ANKRD30B: variants seen among roughly 807,000 people sequenced by gnomAD.
ANKRD30B encodes the protein ankyrin repeat domain-containing protein 30B.
ANKRD30B carries 144 observed loss-of-function variants against 202.2 expected under a neutral mutation model. The observed-to-expected ratio is 0.71, with a 90% CI of 0.62 to 0.82. The LOEUF is 0.82. Among genes scored for constraint, ANKRD30B ranks in the 40% least tolerant of loss-of-function variants. The probability of loss-of-function intolerance (pLI) is 0.00; values close to 1 mark genes in which losing one functional copy is unlikely to be tolerated. For synonymous variants in ANKRD30B, 508 were observed against 561.3 expected (o/e 0.91, Z 1.34); for missense variants, 1,487 against 1,669.1 (o/e 0.89, Z 1.90).
the ANKRD30B span, among the ~76,000 whole-genome samples, chr18:14,913,359 C>T: frequency 6.6e-6 from 1 of 152,136 alleles, no homozygotes; most frequent in Non-Finnish European, 1.5e-5. Flanking sequence ...GGACAAGCTA[C>T]CCAGAAGGAG....
At chr18:14,917,894 C>G in the ANKRD30B span, among the ~76,000 whole-genome samples, 3 of 152,208 alleles carry the variant, frequency 2.0e-5, no homozygotes, top group Admixed American at 6.5e-5. Flanking sequence ...TCTTCTCCCC[C>G]AGGGCGATGA....
At chr18:14,886,932 A>G in the ANKRD30B span, among the ~76,000 whole-genome samples, 2 of 152,148 alleles carry the variant, frequency 1.3e-5, no homozygotes, top group African/African-American at 2.4e-5. Flanking sequence ...CTAGTTTTCT[A>G]CATCCTGGTC....
chr18:14,850,105 A>C, intron 40 of ANKRD30B, 109 bp from the exon 41 acceptor site: 1 of 819,536 alleles, frequency 1.2e-6, no homozygotes, highest in South Asian at 3.2e-5. Flanking sequence ...AAAATTCAGG[A>C]ATATAGGAAT....
At chr18:14,876,202 G>A in the ANKRD30B span, among the ~76,000 whole-genome samples, 5 of 151,736 alleles carry the variant, frequency 3.3e-5, no homozygotes, top group Non-Finnish European at 7.4e-5. Context: ...CTGGAGTTTG[G>A]GTCACCTTCC....
At chr18:14,763,632 A>T (rs1915610571) in intron 6 of ANKRD30B, 54 bp from the exon 7 acceptor site, 1 of 1,589,718 alleles carries the variant, frequency 6.3e-7, no homozygotes, top group Non-Finnish European at 8.6e-7. Context: ...AGGTGAAGTC[A>T]GGAGGATGAT....
intron 15 of ANKRD30B, among the ~76,000 whole-genome samples, chr18:14,787,363 A>G (rs1968155494): frequency 6.6e-6 from 1 of 152,236 alleles, no homozygotes; most frequent in Admixed American, 6.5e-5. Context: ...CTAGAAATTC[A>G]CATGGGATCT....
At position 14,772,282 on chromosome 18, in the gene ANKRD30B, A is replaced by G; in HGVS notation, c.1329+54A>G. 1.7e-6 allele frequency: 2 copies of G among 1,184,694 alleles called. No homozygotes were observed. Among genetic ancestry groups the G allele is most frequent in the South Asian group, 1.9e-5 (1 of 53,372 alleles). The allele number at this position is 1,184,694 out of a possible 1,614,324, so 73.4% of individuals were successfully genotyped here. On this transcript the variant is annotated intron_variant, in intron 9 of 43. Transcript: ENST00000690538. Reference sequence around the variant, plus strand: ...TCTCAGTTGCAATATATTTCTGTATAGTATTTCTTAGCAGTGGTGTATGTA... The same window carrying G: ...TCTCAGTTGCAATATATTTCTGTATGGTATTTCTTAGCAGTGGTGTATGTA...
chr18:14,906,041 A>AT, the ANKRD30B span, among the ~76,000 whole-genome samples: 192 of 145,930 alleles, frequency 1.3e-3, no homozygotes, highest in East Asian at 0.013. Context: ...GGGCTTAGAG[A>AT]TTTTTTTTTT....
At chr18:14,789,363 T>C (rs1004996367) in intron 15 of ANKRD30B, among the ~76,000 whole-genome samples, 2 of 152,144 alleles carry the variant, frequency 1.3e-5, no homozygotes, top group African/African-American at 4.8e-5. Context: ...TGATGGTAGT[T>C]TCTTTTGCTG....
chr18:14,785,702 T>G (rs1240642503), intron 14 of ANKRD30B, among the ~76,000 whole-genome samples: 1 of 152,148 alleles, frequency 6.6e-6, no homozygotes, highest in Admixed American at 6.5e-5. Flanking sequence ...CTTACCAAAG[T>G]ATGATCTGAG....
intron 10 of ANKRD30B, 29 bp from the exon 11 acceptor site, chr18:14,779,931 A>AT (rs1467766910): frequency 1.4e-6 from 2 of 1,476,614 alleles, no homozygotes; most frequent in Admixed American, 1.7e-5. Flanking sequence ...GAATGCTCTC[A>AT]TGAATGTATC....
At chr18:14,762,312 T>A (rs989211859) in intron 6 of ANKRD30B, among the ~76,000 whole-genome samples, 53 of 152,326 alleles carry the variant, frequency 3.5e-4, no homozygotes, top group African/African-American at 1.2e-3. Context: ...AAAGTAACTA[T>A]CTTTAGAATT....
rs1479321125 is a variant in ANKRD30B at position 14,752,586 on chromosome 18, G to A, written c.242G>A (p.Cys81Tyr). 6.2e-7 allele frequency: 1 copy of A among 1,612,622 alleles called. No individual in the cohort carries two copies. The highest frequency in any genetic ancestry group is 1.1e-5 in the South Asian group (1 of 90,872). ...MKKRTALHWA[C>Y]VNGHAEVVTF... ...CGTAGGACTGCTCTACACTGGGCCTGTGTCAATGGCCATGCAGAAGTAGTA... is the reference window on the plus strand; with the variant it reads ...CGTAGGACTGCTCTACACTGGGCCTATGTCAATGGCCATGCAGAAGTAGTA... The change falls in exon 2 of 44, where the codon TGT becomes TAT. Residue 81 changes from cysteine (C) to tyrosine (Y), a missense_variant. Physicochemically the swap from Cys to Tyr is radical, Grantham distance 194. Around this residue, in one of 6 missense-constraint regions of ANKRD30B, gnomAD observed 889 missense variants for 841.4 expected, o/e 1.06. Coordinates refer to ENST00000690538, the MANE Select transcript of ANKRD30B (RefSeq NM_001367607.2).
chr18:14,917,168 A>G, the ANKRD30B span, among the ~76,000 whole-genome samples: 1 of 152,112 alleles, frequency 6.6e-6, no homozygotes, highest in Non-Finnish European at 1.5e-5. Flanking sequence ...ACTGCAGGCT[A>G]TTATGCATGT....
chr18:14,920,728 C>G, the ANKRD30B span, among the ~76,000 whole-genome samples: 1 of 152,238 alleles, frequency 6.6e-6, no homozygotes, highest in Admixed American at 6.5e-5. Flanking sequence ...ATGCACACCA[C>G]TTGTCCTCTT....
At chr18:14,792,095 C>T (rs1346541338) in intron 16 of ANKRD30B, among the ~76,000 whole-genome samples, 1 of 152,124 alleles carries the variant, frequency 6.6e-6, no homozygotes, top group African/African-American at 2.4e-5. Flanking sequence ...CATATACACT[C>T]CGTATAGACC....
the ANKRD30B span, among the ~76,000 whole-genome samples, chr18:14,871,770 T>C: frequency 6.6e-6 from 1 of 152,094 alleles, no homozygotes; most frequent in South Asian, 2.1e-4. Context: ...GGTGGCTATA[T>C]TCCCAGCTAC....
At chr18:14,848,007 G>T (rs1345916198) in intron 39 of ANKRD30B, among the ~76,000 whole-genome samples, 2 of 151,984 alleles carry the variant, frequency 1.3e-5, no homozygotes. Flanking sequence ...TATATTGTCT[G>T]TCTCCTTTGG....
chr18:14,854,879 ACG>A (rs1972033571), downstream of ANKRD30B, among the ~76,000 whole-genome samples: 1 of 134,136 alleles, frequency 7.5e-6, no homozygotes, highest in South Asian at 2.5e-4. Flanking sequence ...ACACACACAC[ACG>A]CTCTACCCTT....
Sources: gnomAD v4.1 joint callset for allele counts (sites outside exome capture counted in the v4.1 genomes callset) on GRCh38, gnomAD v4.1.1 for gene constraint, gnomAD v4.1.1 regional missense constraint, MANE v1.5 for transcripts, NCBI Gene and HGNC (gene_info 2026-07-23, HGNC 2026-07-21) for gene names.